ADCY10: variants seen among roughly 807,000 people sequenced by gnomAD.
The protein encoded by ADCY10 is adenylate cyclase type 10.
Under a neutral mutation model 183.3 loss-of-function variants are expected in ADCY10, and 156 were observed. The ratio of observed to expected loss-of-function variants is 0.85; its 90% CI spans 0.75 to 0.97. The LOEUF is 0.97. Ranked by LOEUF, ADCY10 falls within the 50% of genes least tolerant of loss-of-function variation. The pLI, the probability that ADCY10 is intolerant of heterozygous loss-of-function variation, is 0.00. For synonymous variants in ADCY10, 645 were observed against 670.0 expected, an observed-to-expected ratio of 0.96 and a Z score of 0.58; for missense variants, 1,745 against 1,934.3, an observed-to-expected ratio of 0.90 and a Z score of 1.84.
intron 8 of ADCY10, among the ~76,000 whole-genome samples, chr1:167,890,910 A>T (rs1668540978): frequency 2.0e-5 from 3 of 152,156 alleles, no homozygotes; most frequent in African/African-American, 7.2e-5. Flanking sequence ...GGACACAATA[A>T]ACTAGAATCC....
intron 8 of ADCY10, among the ~76,000 whole-genome samples, chr1:167,887,543 C>T (rs1177882929): frequency 6.6e-6 from 1 of 151,654 alleles, no homozygotes; most frequent in Non-Finnish European, 1.5e-5. Context: ...CAGGGCCTGT[C>T]GTGGGCTGGG....
chr1:167,883,793 T>C lies in ADCY10; in HGVS notation c.829-165A>G, dbSNP rs151006027. On this transcript the variant is annotated intron_variant, in intron 8 of 32. Transcript: ENST00000367851. ...GCCTGAAGTGGAGCAGATGGAAATA[T>C]AATCAAAATCCCTCTCTTCCAGTGG... Among the ~76,000 whole-genome samples the C allele has an allele frequency of 3.2e-3, 488 of 152,072 alleles. 1 individual carries two copies. The highest frequency in any genetic ancestry group is 4.9e-3 in the Non-Finnish European group (330 of 67,988).
In ADCY10 at chr1:167,896,669, GGGGGTGGTT is replaced by G; in HGVS notation, c.656_664del (p.Lys219_Pro222delinsThr). 4 of 1,612,848 alleles carry G rather than the reference GGGGGTGGTT, an allele frequency of 2.5e-6. No homozygotes were observed. Among genetic ancestry groups the G allele is most frequent in the Non-Finnish European group, 3.4e-6 (4 of 1,178,904 alleles). ...GAAAAATTCATCAAAATTAAAATTG[GGGGGTGGTT>G]TTAAGAAGTTAACCTAAATAAAAGC... On this transcript the variant is annotated inframe_deletion, in exon 7 of 33. Coordinates refer to ENST00000367851, the MANE Select transcript of ADCY10 (RefSeq NM_018417.6).
intron 7 of ADCY10, 92 bp from the exon 8 acceptor site, chr1:167,894,033 G>T: frequency 2.4e-6 from 2 of 848,798 alleles, no homozygotes; most frequent in Non-Finnish European, 4.0e-6. Context: ...ATTCTCTTGG[G>T]CAGTGGGCCT....
chr1:167,886,785 A>C (rs907003584), intron 8 of ADCY10, among the ~76,000 whole-genome samples: 16 of 152,252 alleles, frequency 1.1e-4, no homozygotes, highest in Non-Finnish European at 1.9e-4. Context: ...AAATTTTTAC[A>C]ATCTACCCAT....
chr1:167,903,779 A>G, intron 3 of ADCY10, 108 bp downstream of exon 3: 1 of 784,374 alleles, frequency 1.3e-6, no homozygotes, highest in South Asian at 1.4e-5. Context: ...TTTCATGGGG[A>G]AGAGGAGGAG....
intron 26 of ADCY10, 77 bp downstream of exon 26, chr1:167,829,190 C>T (rs1290503011): frequency 6.5e-7 from 1 of 1,548,310 alleles, no homozygotes; most frequent in Non-Finnish European, 8.9e-7. Context: ...AATTTTGAAT[C>T]CTAATTGGCT....
rs987847046 is a variant in ADCY10, at chr1:167,846,303, A to C, written c.2438-40T>G. Reference sequence around the variant, plus strand: ...CCACACAGTAGAAAACTAGTTATTTATCTTTATCTAATATGCTGTATTTAA... The same window carrying C: ...CCACACAGTAGAAAACTAGTTATTTCTCTTTATCTAATATGCTGTATTTAA... On this transcript the variant is annotated intron_variant, in intron 19 of 32. Transcript: ENST00000367851. 3 of 1,609,682 alleles carry C rather than the reference A, an allele frequency of 1.9e-6. No individual in the cohort carries two copies. The African/African-American group carries it at 4.0e-5, about 21-fold the overall frequency.
At chr1:167,850,224 A>G (rs1665363081) in intron 18 of ADCY10, among the ~76,000 whole-genome samples, 1 of 152,178 alleles carries the variant, frequency 6.6e-6, no homozygotes. Flanking sequence ...GCAAGGAGAA[A>G]GCAAATACTA....
chr1:167,878,331 C>T, intron 12 of ADCY10, 115 bp downstream of exon 12: 1 of 1,183,966 alleles, frequency 8.4e-7, no homozygotes, highest in Non-Finnish European at 1.2e-6. Context: ...CTGGGGAAAG[C>T]ATAGATTTCA....
chr1:167,856,351 C>A lies in ADCY10; in HGVS notation c.1985G>T (p.Arg662Leu), dbSNP rs148745290. ...CATAATGATGAAGATAGGAAGAGTC[C>A]GGATAAGCTTCTCCATAAATCTCCA... The part of the protein sequence containing the change: ...TSWRFMEKLI[R>L]TLPIFIIMSL... The change falls in exon 17 of 33, where the codon CGG becomes CTG. Residue 662 changes from arginine to leucine, a missense_variant. Physicochemically the swap from Arg to Leu is moderately radical, Grantham distance 102. Coordinates refer to ENST00000367851, the MANE Select transcript of ADCY10 (RefSeq NM_018417.6). 6.2e-7 allele frequency: 1 copy of A among 1,613,992 alleles called. No homozygotes were observed. Among genetic ancestry groups the A allele is most frequent in the South Asian group, 1.1e-5 (1 of 91,060 alleles).
intron 3 of ADCY10, 31 bp from the exon 4 acceptor site, chr1:167,902,085 C>T (rs772019244): frequency 2.5e-5 from 40 of 1,593,848 alleles, no homozygotes; most frequent in Non-Finnish European, 3.2e-5. Flanking sequence ...TAAATCAAAC[C>T]CTGATTCCTT....
rs535919695 is a variant in ADCY10 at position 167,824,576 on chromosome 1, G to A, written c.3956-4C>T. 5 of 1,614,166 alleles carry A rather than the reference G, an allele frequency of 3.1e-6. No individual in the cohort carries two copies. In the South Asian group the frequency reaches 4.4e-5, roughly 14 times the overall value. On this transcript the variant is annotated splice_polypyrimidine_tract_variant and splice_region_variant and intron_variant, in intron 27 of 32. Transcript: ENST00000367851. ...CACATCTGAAGGGCTCGGGAGCCTGGGAAGAAAACAATTCCAGTATATTGT... is the reference window on the plus strand; with the variant it reads ...CACATCTGAAGGGCTCGGGAGCCTGAGAAGAAAACAATTCCAGTATATTGT...
At chr1:167,854,077 G>T (rs572510140) in intron 18 of ADCY10, among the ~76,000 whole-genome samples, 2 of 152,148 alleles carry the variant, frequency 1.3e-5, no homozygotes, top group African/African-American at 4.8e-5. Context: ...GACCTCAAGT[G>T]ATCTGCCTGC....
intron 23 of ADCY10, 78 bp downstream of exon 23, chr1:167,836,231 C>T (rs1664179599): frequency 1.1e-6 from 1 of 935,486 alleles, no homozygotes; most frequent in Admixed American, 1.9e-5. Flanking sequence ...AATCAGAAAG[C>T]ATGCTGGAGC....
At chr1:167,812,342 C>T (rs902527946) in intron 31 of ADCY10, among the ~76,000 whole-genome samples, 7 of 152,180 alleles carry the variant, frequency 4.6e-5, no homozygotes, top group Non-Finnish European at 7.4e-5. Context: ...ACATTAAATA[C>T]TAGGACATTC....
intron 25 of ADCY10, among the ~76,000 whole-genome samples, chr1:167,830,277 CTG>C (rs1663617330): frequency 2.0e-5 from 3 of 150,904 alleles, no homozygotes; most frequent in Non-Finnish European, 4.4e-5. Flanking sequence ...CAAACAGGGA[CTG>C]TTTCTGTGGT....
rs992185528 is a variant in ADCY10, at chr1:167,854,421, T to C, written c.2240A>G (p.His747Arg). 3 of 1,614,084 alleles carry C rather than the reference T, an allele frequency of 1.9e-6. No homozygotes were observed. Among genetic ancestry groups the C allele is most frequent in the Non-Finnish European group, 2.5e-6 (3 of 1,180,034 alleles). ...CEELLKNLEH[H>R]EVLVFQQTES... ...CGTTTGTTGGAAAACGAGTACCTCA[T>C]GATGTTCCAGGTTTTTAAGCAATTC... Residue 747 changes from histidine (H) to arginine (R), a missense_variant, in exon 18 of 33, where the codon CAT becomes CGT. Coordinates refer to ENST00000367851, the MANE Select transcript of ADCY10 (RefSeq NM_018417.6).
chr1:167,836,469 T>A lies in ADCY10; in HGVS notation c.3149A>T (p.Glu1050Val), dbSNP rs1056069166. The change falls in exon 23 of 33, where the codon GAA (glutamate) becomes GTA (valine). Residue 1050 changes from glutamate (E) to valine (V), a missense_variant. Coordinates refer to ENST00000367851, the MANE Select transcript of ADCY10 (RefSeq NM_018417.6). Reference sequence around the variant, plus strand: ...GCAAGATTCCAGAGGGATAATGTCTTCGTCAGATGTCTTCATTTTTGTTAA... The same window carrying A: ...GCAAGATTCCAGAGGGATAATGTCTACGTCAGATGTCTTCATTTTTGTTAA... ...HVLTKMKTSDEDIIPLESCQC... is the reference protein window; with the variant it reads ...HVLTKMKTSDVDIIPLESCQC... The A allele has an allele frequency of 6.2e-7, 1 of 1,614,206 alleles. No homozygotes were observed. Among genetic ancestry groups the A allele is most frequent in the Non-Finnish European group, 8.5e-7 (1 of 1,180,008 alleles).
Sources: allele counts gnomAD v4.1 joint callset (sites outside exome capture counted in the v4.1 genomes callset), GRCh38; gene constraint gnomAD v4.1.1; transcripts MANE v1.5; gene names NCBI Gene and HGNC (gene_info 2026-07-23, HGNC 2026-07-21).